The following OXR1 variants were observed in gnomAD, a reference collection of about 807,000 sequenced individuals.
OXR1 encodes the protein oxidation resistance 1.
In OXR1, 41 loss-of-function variants were observed where a neutral mutation model predicts 104.6. That is an observed-to-expected ratio of 0.39 (90% CI 0.31 to 0.51). The LOEUF is 0.51. Ranked by LOEUF, OXR1 falls within the 20% of genes least tolerant of loss-of-function variation. The pLI is 0.77. For synonymous variants in OXR1, 348 were observed against 348.4 expected, an observed-to-expected ratio of 1.00 and a Z score of 0.01; for missense variants, 955 against 1,031.9, an observed-to-expected ratio of 0.93 and a Z score of 1.02.
chr8:106,397,724 A>C (rs575261054), intron 2 of OXR1, among the ~76,000 whole-genome samples: 2 of 152,148 alleles, frequency 1.3e-5, no homozygotes, highest in Non-Finnish European at 2.9e-5. Flanking sequence ...TTAAAAGTCA[A>C]CATGACCCAA....
intron 1 of OXR1, among the ~76,000 whole-genome samples, chr8:106,277,369 G>A (rs888851609): frequency 1.3e-5 from 2 of 152,026 alleles, no homozygotes; most frequent in East Asian, 3.9e-4. Context: ...GTGATGATTC[G>A]GTGACATAAG....
chr8:106,285,581 G>A (rs569613127), intron 1 of OXR1, among the ~76,000 whole-genome samples: 1 of 151,906 alleles, frequency 6.6e-6, no homozygotes, highest in African/African-American at 2.4e-5. Flanking sequence ...TGCTGAAACA[G>A]CTGGCCTCCA....
chr8:106,428,432 TG>T (rs1226357684), intron 2 of OXR1, among the ~76,000 whole-genome samples: 5 of 152,312 alleles, frequency 3.3e-5, no homozygotes, highest in East Asian at 1.9e-4. Flanking sequence ...CAAGGGAGGC[TG>T]GGAGTTTAAG....
rs778379381 is a variant in OXR1 at position 106,745,803 on chromosome 8, A to G, written c.2427A>G (p.Thr809=). Residue 809 remains threonine, a synonymous_variant, in exon 16 of 17, where the codon ACA becomes ACG. Transcript: ENST00000517566. The part of the protein sequence containing the change: ...FCPEFEVFKW[T]GDNMFFIKGD... Reference sequence around the variant, plus strand: ...AATTTATATAGGTCTTTAAGTGGACAGGAGATAATATGTTTTTTATCAAAG... The same window carrying G: ...AATTTATATAGGTCTTTAAGTGGACGGGAGATAATATGTTTTTTATCAAAG... 1 of 1,555,702 alleles carries G rather than the reference A, an allele frequency of 6.4e-7. No individual in the cohort carries two copies. The highest frequency in any genetic ancestry group is 8.9e-7 in the Non-Finnish European group (1 of 1,128,682).
At chr8:106,674,380 G>A (rs1271490474) in intron 3 of OXR1, among the ~76,000 whole-genome samples, 1 of 152,156 alleles carries the variant, frequency 6.6e-6, no homozygotes, top group African/African-American at 2.4e-5. Context: ...TCTACCATTT[G>A]GAACAGAGAC....
rs1204912872 is a variant in OXR1, at chr8:106,498,959, G to A, written c.24-19984G>A. On this transcript the variant is annotated intron_variant, in intron 2 of 16. Transcript: ENST00000517566. ...GGGTGGATCATGAGGTCGGGAGATC[G>A]AGACCATCCTGGCTAACAAGGTGAA... 1.1e-4 allele frequency among the ~76,000 whole-genome samples: 2 copies of A among 17,670 alleles called. 1 individual carries two copies. Among genetic ancestry groups the A allele is most frequent in the Non-Finnish European group, 3.1e-4 (2 of 6,414 alleles). 11.6% of individuals were successfully genotyped at this position (17,670 alleles called of 152,430 possible).
chr8:106,280,067 A>G (rs1270805751), intron 1 of OXR1, among the ~76,000 whole-genome samples: 1 of 152,190 alleles, frequency 6.6e-6, no homozygotes, highest in African/African-American at 2.4e-5. Flanking sequence ...AGCATAATCT[A>G]TAATCTGTTA....
intron 3 of OXR1, among the ~76,000 whole-genome samples, chr8:106,584,467 A>G (rs976404108): frequency 1.3e-5 from 2 of 152,128 alleles, no homozygotes; most frequent in Non-Finnish European, 2.9e-5. Context: ...ATGAAACTTC[A>G]GAAAACTTGT....
At position 106,336,224 on chromosome 8, in the gene OXR1, G is replaced by A. The variant is rs558234453; in HGVS notation, c.-138-23252G>A. Among the ~76,000 whole-genome samples, 4 of 152,192 alleles carry A rather than the reference G, an allele frequency of 2.6e-5. No individual in the cohort carries two copies. The South Asian group carries it at 6.2e-4, about 24-fold the overall frequency. On this transcript the variant is annotated intron_variant, in intron 1 of 16. Transcript: ENST00000517566. ...GATAAAAGGATCACAGTTTCTCCAG[G>A]TAAGGCAAAGTATACGTTGTCAGTG... is the stretch of plus-strand genomic sequence containing the variant.
At chr8:106,411,360 G>A (rs144668609) in intron 2 of OXR1, among the ~76,000 whole-genome samples, 1 of 152,154 alleles carries the variant, frequency 6.6e-6, no homozygotes, top group African/African-American at 2.4e-5. Flanking sequence ...TTACCCAACA[G>A]ATACCCATTT....
intron 3 of OXR1, among the ~76,000 whole-genome samples, chr8:106,544,273 T>C (rs1438959934): frequency 6.6e-6 from 1 of 151,884 alleles, no homozygotes; most frequent in Non-Finnish European, 1.5e-5. Flanking sequence ...GGGAGGCAGA[T>C]GTGCAACACA....
intron 3 of OXR1, among the ~76,000 whole-genome samples, chr8:106,536,136 CA>C (rs1814505149): frequency 6.6e-6 from 1 of 151,796 alleles, no homozygotes; most frequent in Non-Finnish European, 1.5e-5. Context: ...AGGAGAATGG[CA>C]TGAACCTGGG....
chr8:106,611,853 A>C (rs186804447), intron 3 of OXR1, among the ~76,000 whole-genome samples: 55 of 152,344 alleles, frequency 3.6e-4, no homozygotes, highest in Admixed American at 3.1e-3. Flanking sequence ...TTCAGTTTTT[A>C]CATCAGTTTT....
chr8:106,695,707 C>T (rs1829953251), intron 7 of OXR1, among the ~76,000 whole-genome samples: 1 of 152,052 alleles, frequency 6.6e-6, no homozygotes, highest in Admixed American at 6.6e-5. Flanking sequence ...CGTGAGCTAC[C>T]GCACCCGGCA....
At chr8:106,501,497 C>G (rs889141411) in intron 2 of OXR1, among the ~76,000 whole-genome samples, 5 of 152,084 alleles carry the variant, frequency 3.3e-5, no homozygotes, top group Admixed American at 6.6e-5. Context: ...TTTTTAAAAG[C>G]ACTTTGCTCT....
chr8:106,713,691 A>G, intron 10 of OXR1, 132 bp from the exon 11 acceptor site: 1 of 509,098 alleles, frequency 2.0e-6, no homozygotes, highest in South Asian at 5.4e-5. Context: ...TAGACCTTTT[A>G]TATTAATATA....
At chr8:106,642,416 C>T (rs1823726279) in intron 3 of OXR1, among the ~76,000 whole-genome samples, 1 of 152,142 alleles carries the variant, frequency 6.6e-6, no homozygotes, top group Admixed American at 6.5e-5. Context: ...TGGCTCTCCA[C>T]TAAGGGTGGG....
chr8:106,699,217 T>C (rs2131338545), intron 7 of OXR1, among the ~76,000 whole-genome samples: 1 of 152,308 alleles, frequency 6.6e-6, no homozygotes, highest in South Asian at 2.1e-4. Flanking sequence ...ATTCTTACTG[T>C]GTGGGCGCTG....
rs986962795 is a variant in OXR1, at chr8:106,578,000, A to T, written c.220+58861A>T. 3.3e-5 allele frequency among the ~76,000 whole-genome samples: 5 copies of T among 152,204 alleles called. No homozygotes were observed. The South Asian group carries it at 1.0e-3, about 32-fold the overall frequency. On this transcript the variant is annotated intron_variant, in intron 3 of 16. Coordinates refer to ENST00000517566, the MANE Select transcript of OXR1 (RefSeq NM_001198533.2). The stretch of plus-strand genomic sequence containing the variant: ...CCTGCTCTTCAGAGACGCCAGCATT[A>T]GTTGGCCGGTGCCCCTTTGTAGAAA...
Sources: allele counts gnomAD v4.1 joint callset (sites outside exome capture counted in the v4.1 genomes callset), GRCh38; gene constraint gnomAD v4.1.1; transcripts MANE v1.5; gene names NCBI Gene and HGNC (gene_info 2026-07-23, HGNC 2026-07-21).